Variants in TAFA2 observed in about 807,000 individuals in gnomAD.
The protein encoded by TAFA2 is chemokine-like protein TAFA-2.
TAFA2 carries 7 observed loss-of-function variants against 18.8 expected under a neutral mutation model. The observed-to-expected ratio is 0.37, with a 90% CI of 0.21 to 0.70. The LOEUF (loss-of-function observed/expected upper bound fraction) is 0.70, where lower values mean the gene tolerates loss of function less well. Ranked by LOEUF, TAFA2 falls within the 30% of genes least tolerant of loss-of-function variation. The pLI, the probability that TAFA2 is intolerant of heterozygous loss-of-function variation, is 0.53. For synonymous variants in TAFA2, 60 were observed against 54.2 expected, an observed-to-expected ratio of 1.11 and a Z score of -0.47; for missense variants, 122 against 158.1, an observed-to-expected ratio of 0.77 and a Z score of 1.23.
At chr12:62,099,927 A>G (rs773619903) in intron 1 of TAFA2, among the ~76,000 whole-genome samples, 1 of 152,194 alleles carries the variant, frequency 6.6e-6, no homozygotes, top group Non-Finnish European at 1.5e-5. Flanking sequence ...GTTTTATTCA[A>G]TAAATGCTTA....
intron 1 of TAFA2, among the ~76,000 whole-genome samples, chr12:62,111,744 C>T (rs1592342607): frequency 6.6e-6 from 1 of 152,156 alleles, no homozygotes; most frequent in African/African-American, 2.4e-5. Flanking sequence ...ATGTAATTCC[C>T]TTCTTTGTCT....
intron 2 of TAFA2, among the ~76,000 whole-genome samples, chr12:61,767,352 A>C (rs952620094): frequency 6.6e-6 from 1 of 152,132 alleles, no homozygotes; most frequent in Non-Finnish European, 1.5e-5. Flanking sequence ...ATATGTAAAA[A>C]ATTTAGATGA....
intron 1 of TAFA2, among the ~76,000 whole-genome samples, chr12:62,188,608 T>C (rs2062601405): frequency 6.6e-6 from 1 of 152,160 alleles, no homozygotes; most frequent in African/African-American, 2.4e-5. Context: ...CTGTATAAGG[T>C]AATCCATAAC....
intron 1 of TAFA2, among the ~76,000 whole-genome samples, chr12:62,221,216 G>GAA (rs2062759985): frequency 3.8e-5 from 3 of 78,820 alleles, no homozygotes; most frequent in African/African-American, 1.4e-4. Flanking sequence ...GAAGGAAGGG[G>GAA]GGAAGGAAGG....
chr12:61,897,410 C>T (rs1162294599), intron 1 of TAFA2, among the ~76,000 whole-genome samples: 2 of 152,014 alleles, frequency 1.3e-5, no homozygotes, highest in African/African-American at 2.4e-5. Context: ...TAAAGAACTG[C>T]CCAAGACTGA....
chr12:61,731,049 G>T (rs1408753094), intron 4 of TAFA2, among the ~76,000 whole-genome samples: 2 of 152,216 alleles, frequency 1.3e-5, no homozygotes, highest in East Asian at 3.9e-4. Context: ...CTTCCCCAAG[G>T]ACCCCTGTGA....
intron 1 of TAFA2, among the ~76,000 whole-genome samples, chr12:61,939,748 C>T (rs780170822): frequency 5.9e-5 from 9 of 152,198 alleles, no homozygotes; most frequent in Admixed American, 3.9e-4. Context: ...CCTCTCTTCA[C>T]GTGACTTTTC....
At chr12:62,007,934 A>T (rs1426555191) in intron 1 of TAFA2, among the ~76,000 whole-genome samples, 1 of 145,054 alleles carries the variant, frequency 6.9e-6, no homozygotes, top group Non-Finnish European at 1.5e-5. Context: ...ATAAGAACCT[A>T]TTCCTCCTAA....
chr12:62,087,321 G>A (rs963476231), intron 1 of TAFA2, among the ~76,000 whole-genome samples: 7 of 151,990 alleles, frequency 4.6e-5, no homozygotes, highest in African/African-American at 1.7e-4. Flanking sequence ...ACTTTACCAC[G>A]GTAAAAACAA....
At chr12:62,062,858 T>C (rs1882387910) in intron 1 of TAFA2, among the ~76,000 whole-genome samples, 1 of 152,180 alleles carries the variant, frequency 6.6e-6, no homozygotes, top group South Asian at 2.1e-4. Flanking sequence ...TCCCAGCTTT[T>C]AAAGGCCACC....
At chr12:62,066,685 G>A (rs1882497304) in intron 1 of TAFA2, among the ~76,000 whole-genome samples, 1 of 151,824 alleles carries the variant, frequency 6.6e-6, no homozygotes, top group Non-Finnish European at 1.5e-5. Context: ...CATTGTGTAT[G>A]TGTACCACAT....
chr12:61,814,077 G>A (rs190141793), intron 2 of TAFA2, among the ~76,000 whole-genome samples: 4 of 151,516 alleles, frequency 2.6e-5, no homozygotes, highest in Non-Finnish European at 4.4e-5. Flanking sequence ...CAGAATCATT[G>A]CAGTTGTGAC....
intron 1 of TAFA2, among the ~76,000 whole-genome samples, chr12:61,950,743 T>C (rs1163931984): frequency 1.3e-5 from 2 of 152,140 alleles, no homozygotes; most frequent in Non-Finnish European, 2.9e-5. Flanking sequence ...TCATACTAGT[T>C]TGGTAGCTCC....
intron 1 of TAFA2, among the ~76,000 whole-genome samples, chr12:62,219,734 GA>G (rs2062752728): frequency 6.6e-6 from 1 of 152,124 alleles, no homozygotes; most frequent in African/African-American, 2.4e-5. Context: ...CCCAGTACAT[GA>G]AAACTGTGCC....
At chr12:61,859,869 T>A (rs1041509860) in intron 2 of TAFA2, among the ~76,000 whole-genome samples, 1 of 152,250 alleles carries the variant, frequency 6.6e-6, no homozygotes, top group Non-Finnish European at 1.5e-5. Flanking sequence ...GGTTGATAAT[T>A]GCACACTAAT....
At chr12:62,233,065 T>TC (rs2062819459) in intron 1 of TAFA2, among the ~76,000 whole-genome samples, 1 of 116,176 alleles carries the variant, frequency 8.6e-6, no homozygotes, top group Non-Finnish European at 1.7e-5. Context: ...TTTCTGCATC[T>TC]CTTTTTTTTT....
At chr12:62,168,983 A>G (rs2062459020) in intron 1 of TAFA2, among the ~76,000 whole-genome samples, 1 of 135,828 alleles carries the variant, frequency 7.4e-6, no homozygotes, top group Middle Eastern at 3.8e-3. Context: ...TATTTTTAAA[A>G]CCCCATATAT....
chr12:62,020,769 C>G (rs539631666), intron 1 of TAFA2, among the ~76,000 whole-genome samples: 7 of 151,328 alleles, frequency 4.6e-5, no homozygotes, highest in East Asian at 1.9e-4. Context: ...GATTGAGCAC[C>G]ATTTCTCTGC....
At chr12:62,129,766 A>T (rs1870607642) in intron 1 of TAFA2, among the ~76,000 whole-genome samples, 1 of 151,974 alleles carries the variant, frequency 6.6e-6, no homozygotes, top group Non-Finnish European at 1.5e-5. Flanking sequence ...CACCCACGAA[A>T]TGCTTCTAGC....
Sources: gnomAD v4.1 joint callset for allele counts (sites outside exome capture counted in the v4.1 genomes callset) on GRCh38, gnomAD v4.1.1 for gene constraint, MANE v1.5 for transcripts, NCBI Gene and HGNC (gene_info 2026-07-23, HGNC 2026-07-21) for gene names.